The following HTR4 variants were observed in gnomAD, a reference collection of about 807,000 sequenced individuals.
HTR4 encodes 5-hydroxytryptamine (serotonin) receptor 4, G protein-coupled.
In HTR4, 16 loss-of-function variants were observed where a neutral mutation model predicts 36.8. The observed-to-expected ratio is 0.43, with a 90% confidence interval of 0.29 to 0.66. HTR4 has a LOEUF of 0.66. Among genes scored for constraint, HTR4 ranks in the 30% least tolerant of loss-of-function variants. The pLI, the probability that HTR4 is intolerant of heterozygous loss-of-function variation, is 0.13. For missense variants in HTR4, 438 were observed against 490.9 expected (o/e 0.89, Z 1.02); for synonymous variants, 189 against 185.1 (o/e 1.02, Z -0.17).
At chr5:148,623,463 G>C (rs910532676) in intron 2 of HTR4, among the ~76,000 whole-genome samples, 2 of 152,008 alleles carry the variant, frequency 1.3e-5, no homozygotes, top group African/African-American at 4.8e-5. Context: ...GGGAGTAAAG[G>C]GGCAGAGGAT....
chr5:148,516,312 CTTTTTTTTTT>C (rs954784476), intron 5 of HTR4, among the ~76,000 whole-genome samples: 2 of 76,476 alleles, frequency 2.6e-5, no homozygotes, highest in Non-Finnish European at 4.8e-5. Context: ...ATTCCCCCCT[CTTTTTTTTTT>C]TTTTTTTTTT....
chr5:148,518,760 G>T (rs985608103), intron 5 of HTR4, among the ~76,000 whole-genome samples: 1 of 152,070 alleles, frequency 6.6e-6, no homozygotes, highest in African/African-American at 2.4e-5. Context: ...ACCCAAGCAT[G>T]CTCCCACTCC....
chr5:148,493,867 G>C (rs1221201090), intron 6 of HTR4, among the ~76,000 whole-genome samples: 1 of 152,126 alleles, frequency 6.6e-6, no homozygotes, highest in Non-Finnish European at 1.5e-5. Flanking sequence ...AGTCTGTTTT[G>C]GCTCAAAACA....
chr5:148,644,155 A>C (rs1427722722), intron 1 of HTR4, among the ~76,000 whole-genome samples: 1 of 152,202 alleles, frequency 6.6e-6, no homozygotes, highest in African/African-American at 2.4e-5. Context: ...CCACTCTTTG[A>C]GAACCACCAC....
chr5:148,458,254 C>T (rs892411338), intron 5 of HTR4, among the ~76,000 whole-genome samples: 1 of 151,128 alleles, frequency 6.6e-6, no homozygotes, highest in East Asian at 1.9e-4. Flanking sequence ...TTCACAAAAG[C>T]CAGAGCTCTG....
intron 6 of HTR4, among the ~76,000 whole-genome samples, chr5:148,503,546 T>A (rs944757576): frequency 6.6e-6 from 1 of 152,088 alleles, no homozygotes; most frequent in Admixed American, 6.6e-5. Flanking sequence ...ACATGCCAAA[T>A]TGTAAAGACT....
intron 6 of HTR4, among the ~76,000 whole-genome samples, chr5:148,497,121 C>T (rs1056637586): frequency 1.3e-5 from 2 of 151,884 alleles, no homozygotes; most frequent in African/African-American, 2.4e-5. Context: ...AGGTCTTATA[C>T]TTTTCAAAAA....
At chr5:148,513,994 C>G (rs555265447) in intron 5 of HTR4, among the ~76,000 whole-genome samples, 1 of 152,286 alleles carries the variant, frequency 6.6e-6, no homozygotes, top group East Asian at 1.9e-4. Flanking sequence ...TAGATATCAA[C>G]TAAAATTCAT....
Position 148,644,435 on chromosome 5 carries a change from T to G in HTR4, c.-47-7374A>C, listed in dbSNP as rs958741443. The stretch of plus-strand genomic sequence containing the variant: ...TCAAGCTCACAAGTTTTTTTTTTTT[T>G]TTTTTTTTTTTTTTTTTTTTGCTGG... On this transcript the variant is annotated intron_variant, in intron 1 of 6. Coordinates refer to ENST00000377888, the MANE Select transcript of HTR4 (RefSeq NM_000870.7). 9.9e-5 allele frequency among the ~76,000 whole-genome samples: 14 copies of G among 141,556 alleles called. 1 individual carries two copies. The South Asian group carries it at 3.1e-3, about 32-fold the overall frequency. The allele number at this position is 141,556 out of a possible 152,430, so 92.9% of individuals were successfully genotyped here.
chr5:148,457,764 T>C (rs1269381472), intron 5 of HTR4, among the ~76,000 whole-genome samples: 1 of 143,712 alleles, frequency 7.0e-6, no homozygotes, highest in African/African-American at 2.6e-5. Flanking sequence ...TATATTTTGG[T>C]ATATCATTAA....
intron 2 of HTR4, among the ~76,000 whole-genome samples, chr5:148,623,966 A>G (rs1324569442): frequency 3.9e-5 from 6 of 152,204 alleles, no homozygotes; most frequent in Admixed American, 3.9e-4. Context: ...CACAGAGCAC[A>G]TGGCCTCACC....
intron 4 of HTR4, among the ~76,000 whole-genome samples, chr5:148,524,599 C>T (rs1202017956): frequency 6.6e-6 from 1 of 152,138 alleles, no homozygotes; most frequent in African/African-American, 2.4e-5. Context: ...CTTCCATGCC[C>T]AGGCATGGCA....
chr5:148,654,377 C>A lies in HTR4; in HGVS notation c.-363G>T. The A allele has an allele frequency of 1.0e-6, 1 of 985,428 alleles. No individual in the cohort carries two copies. The highest frequency in any genetic ancestry group is 1.2e-6 in the Non-Finnish European group (1 of 829,928). 61.0% of individuals were successfully genotyped at this position (985,428 alleles called of 1,614,324 possible). The stretch of plus-strand genomic sequence containing the variant: ...CCCCGGTGGTCCCCGCTGCCCTGCC[C>A]GCTGCCGCCCCCACTGGGCGCCAGG... On this transcript the variant is annotated 5_prime_UTR_variant, in exon 1 of 7. Coordinates refer to ENST00000377888, the MANE Select transcript of HTR4 (RefSeq NM_000870.7).
At chr5:148,574,716 C>T (rs530886322) in intron 2 of HTR4, among the ~76,000 whole-genome samples, 3 of 152,184 alleles carry the variant, frequency 2.0e-5, no homozygotes, top group African/African-American at 7.2e-5. Flanking sequence ...GGGCTGGTGA[C>T]AGAACGTCGG....
downstream of HTR4, among the ~76,000 whole-genome samples, chr5:148,480,516 C>T (rs1436697150): frequency 2.6e-5 from 4 of 152,144 alleles, no homozygotes; most frequent in African/African-American, 9.7e-5. Flanking sequence ...GTAGTTGGGA[C>T]TACAGGCAGA....
chr5:148,561,688 T>C (rs1229862892), intron 2 of HTR4, among the ~76,000 whole-genome samples: 2 of 152,184 alleles, frequency 1.3e-5, no homozygotes, highest in Non-Finnish European at 2.9e-5. Flanking sequence ...AATGTCTTCC[T>C]TTGGGGTAAA....
chr5:148,587,394 GA>G (rs1390721935), intron 2 of HTR4, among the ~76,000 whole-genome samples: 1 of 152,176 alleles, frequency 6.6e-6, no homozygotes, highest in Non-Finnish European at 1.5e-5. Flanking sequence ...CTGAAATTTA[GA>G]CTTGGTGACC....
intron 6 of HTR4, among the ~76,000 whole-genome samples, chr5:148,507,747 C>T (rs1040037804): frequency 6.6e-6 from 1 of 152,024 alleles, no homozygotes; most frequent in Non-Finnish European, 1.5e-5. Flanking sequence ...TGGAAACTCC[C>T]AAACTCTCTA....
chr5:148,640,784 G>A (rs1225998963), intron 1 of HTR4, among the ~76,000 whole-genome samples: 1 of 152,096 alleles, frequency 6.6e-6, no homozygotes, highest in Non-Finnish European at 1.5e-5. Flanking sequence ...GAAAAGCTGG[G>A]CAGTTTCAGC....
Sources: gnomAD v4.1 joint callset for allele counts (sites outside exome capture counted in the v4.1 genomes callset) on GRCh38, gnomAD v4.1.1 for gene constraint, MANE v1.5 for transcripts, NCBI Gene and HGNC (gene_info 2026-07-23, HGNC 2026-07-21) for gene names.